Variants in ROR2 observed in about 807,000 individuals in gnomAD.
The protein encoded by ROR2 is tyrosine-protein kinase transmembrane receptor ROR2.
In ROR2, 33 loss-of-function variants were observed where a neutral mutation model predicts 74.9. The observed-to-expected ratio is 0.44, with a 90% CI of 0.33 to 0.59. The LOEUF is 0.59. Ranked by LOEUF, ROR2 falls within the 20% of genes least tolerant of loss-of-function variation. The probability of loss-of-function intolerance (pLI) is 0.02; values close to 1 mark genes in which losing one functional copy is unlikely to be tolerated. For synonymous variants in ROR2, 586 were observed against 558.7 expected (o/e 1.05, Z -0.69); for missense variants, 1,216 against 1,313.8 (o/e 0.93, Z 1.15).
chr9:91,906,734 T>A (rs181215492), intron 1 of ROR2, among the ~76,000 whole-genome samples: 1 of 152,232 alleles, frequency 6.6e-6, no homozygotes, highest in East Asian at 1.9e-4. Context: ...TTTAGAAACG[T>A]TTTGGTTTGC....
At chr9:91,779,243 A>T (rs903599285) in intron 1 of ROR2, among the ~76,000 whole-genome samples, 4 of 152,144 alleles carry the variant, frequency 2.6e-5, no homozygotes, top group African/African-American at 9.7e-5. Context: ...CTATAAATCT[A>T]AAACTAAAGT....
chr9:91,898,000 C>T (rs1830579692), intron 1 of ROR2, among the ~76,000 whole-genome samples: 1 of 152,148 alleles, frequency 6.6e-6, no homozygotes, highest in Non-Finnish European at 1.5e-5. Context: ...GGGCCACCCA[C>T]AGGCTCCATC....
chr9:91,855,138 C>T (rs1304079385), intron 1 of ROR2, among the ~76,000 whole-genome samples: 1 of 152,144 alleles, frequency 6.6e-6, no homozygotes, highest in East Asian at 1.9e-4. Flanking sequence ...CACCCCACAC[C>T]CCATCCCAAC....
chr9:91,924,989 C>A (rs1831360167), intron 1 of ROR2, among the ~76,000 whole-genome samples: 1 of 151,960 alleles, frequency 6.6e-6, no homozygotes, highest in Non-Finnish European at 1.5e-5. Flanking sequence ...GGATCACAGG[C>A]ACGAGCCACC....
chr9:91,805,501 G>A (rs867363559), intron 1 of ROR2, among the ~76,000 whole-genome samples: 2 of 152,138 alleles, frequency 1.3e-5, no homozygotes, highest in East Asian at 3.9e-4. Flanking sequence ...CTCAGCTAGA[G>A]CAGGAAGCCT....
rs540368940 is a variant in ROR2, at chr9:91,884,446, C to T, written c.97+65421G>A. ...TCTAATTGGCCTACAAAAAGAATTA[C>T]TTACTCTCCACTTACCTTTGATTAC... On this transcript the variant is annotated intron_variant, in intron 1 of 8. Transcript: ENST00000375708. 2.7e-4 allele frequency among the ~76,000 whole-genome samples: 40 copies of T among 147,976 alleles called. 1 individual carries two copies. The highest frequency in any genetic ancestry group is 5.2e-4 in the Non-Finnish European group (35 of 67,608).
intron 4 of ROR2, among the ~76,000 whole-genome samples, chr9:91,744,078 C>T (rs909836750): frequency 7.2e-5 from 11 of 152,144 alleles, no homozygotes; most frequent in African/African-American, 2.7e-4. Context: ...AGAGGCCAGA[C>T]ATAAGAGTCT....
In ROR2 at chr9:91,733,299, C is replaced by T. The variant is rs374492597; in HGVS notation, c.760G>A (p.Asp254Asn). ...TCGCTCTCCAGCACCTCGCACTCGT[C>T]GCGGCACAGCTCACGCGGCTTGGGT... ...RTPKPRELCR[D>N]ECEVLESDLC... Residue 254 changes from aspartate to asparagine, a missense_variant, in exon 6 of 9, where the codon GAC becomes AAC. Coordinates refer to ENST00000375708, the MANE Select transcript of ROR2 (RefSeq NM_004560.4). The surrounding 1 kb of genome is among the most constrained non-coding windows in gnomAD (Gnocchi z 5.7). 5.1e-5 allele frequency: 82 copies of T among 1,612,678 alleles called. No individual in the cohort carries two copies. Among genetic ancestry groups the T allele is most frequent in the Non-Finnish European group, 9.3e-6 (11 of 1,179,742 alleles).
At chr9:91,892,575 TTTTTC>T (rs972880546) in intron 1 of ROR2, among the ~76,000 whole-genome samples, 18 of 148,226 alleles carry the variant, frequency 1.2e-4, no homozygotes, top group Middle Eastern at 3.5e-3. Flanking sequence ...ATTCTTTTTC[TTTTTC>T]TTTTCTTTTC....
intron 1 of ROR2, among the ~76,000 whole-genome samples, chr9:91,922,914 G>T (rs989388678): frequency 2.1e-4 from 32 of 151,806 alleles, no homozygotes; most frequent in Middle Eastern, 3.2e-3. Context: ...GCACACTGGG[G>T]CAGCCTGCCT....
At chr9:91,921,856 CA>C (rs560682210) in intron 1 of ROR2, among the ~76,000 whole-genome samples, 39,558 of 88,250 alleles carry the variant, frequency 0.45, 6,499 homozygotes, top group African/African-American at 0.63. Flanking sequence ...GACTCCGTCT[CA>C]AAAAAAAAAA....
rs540820333 is a variant in ROR2 at position 91,757,012 on chromosome 9, C to T, written c.463+260G>A. On this transcript the variant is annotated intron_variant, in intron 3 of 8. Transcript: ENST00000375708. ...CTCAAACTCCTGACCTCAGGTGATC[C>T]GCCCACCTCGGCCTCCCAAAGTGCT... Among the ~76,000 whole-genome samples, 9 of 152,156 alleles carry T rather than the reference C, an allele frequency of 5.9e-5. No homozygotes were observed. The South Asian group carries it at 1.7e-3, about 28-fold the overall frequency.
chr9:91,757,563 C>A lies in ROR2; in HGVS notation c.176-4G>T. The A allele has an allele frequency of 6.2e-7, 1 of 1,612,790 alleles. No individual in the cohort carries two copies. The highest frequency in any genetic ancestry group is 8.5e-7 in the Non-Finnish European group (1 of 1,179,666). On this transcript the variant is annotated splice_region_variant and splice_polypyrimidine_tract_variant and intron_variant, in intron 2 of 8. Coordinates refer to ENST00000375708, the MANE Select transcript of ROR2 (RefSeq NM_004560.4). ...TCCAGAAAATTCAGAAAGTAACCTG[C>A]CAAGGAGAGCGGTCACAAAAGAGCA...
At chr9:91,782,390 T>C (rs1826647307) in intron 1 of ROR2, among the ~76,000 whole-genome samples, 1 of 151,338 alleles carries the variant, frequency 6.6e-6, no homozygotes, top group Non-Finnish European at 1.5e-5. Context: ...AAGGGAGGGA[T>C]GTAAAAAAGA....
chr9:91,909,647 C>T (rs1017408601), intron 1 of ROR2, among the ~76,000 whole-genome samples: 7 of 151,206 alleles, frequency 4.6e-5, no homozygotes, highest in Non-Finnish European at 8.9e-5. Flanking sequence ...CCACCACACT[C>T]GGCCCCAGGC....
intron 1 of ROR2, among the ~76,000 whole-genome samples, chr9:91,838,744 A>C (rs1828689152): frequency 6.6e-6 from 1 of 152,214 alleles, no homozygotes; most frequent in African/African-American, 2.4e-5. Context: ...GACCCTTTTT[A>C]AAAGAGTAAA....
intron 1 of ROR2, among the ~76,000 whole-genome samples, chr9:91,788,268 A>C (rs915531118): frequency 2.0e-5 from 3 of 152,190 alleles, no homozygotes; most frequent in Admixed American, 2.0e-4. Flanking sequence ...CCAGTAAGAG[A>C]AGAGAAAGAA....
At chr9:91,767,024 CAG>C (rs1355970763) in intron 2 of ROR2, among the ~76,000 whole-genome samples, 2 of 152,022 alleles carry the variant, frequency 1.3e-5, no homozygotes, top group Non-Finnish European at 2.9e-5. Flanking sequence ...GGCAAAGTAA[CAG>C]AGGAATCCCC....
chr9:91,910,428 T>C (rs1356002582), intron 1 of ROR2, among the ~76,000 whole-genome samples: 1 of 152,176 alleles, frequency 6.6e-6, no homozygotes, highest in Non-Finnish European at 1.5e-5. Context: ...ATAATGACTT[T>C]GAGATATGAC....
Sources: allele counts gnomAD v4.1 joint callset (sites outside exome capture counted in the v4.1 genomes callset), GRCh38; gene constraint gnomAD v4.1.1; non-coding constraint Gnocchi (gnomAD v3.1); transcripts MANE v1.5; gene names NCBI Gene and HGNC (gene_info 2026-07-23, HGNC 2026-07-21).